TBC1D28: variants seen among roughly 807,000 people sequenced by gnomAD.
The protein encoded by TBC1D28 is TBC1 domain family, member 28.
In TBC1D28, 20 loss-of-function variants were observed where a neutral mutation model predicts 29.2. The observed-to-expected ratio is 0.68, with a 90% CI of 0.48 to 0.99. The LOEUF (loss-of-function observed/expected upper bound fraction) is 0.99, where lower values mean the gene tolerates loss of function less well. TBC1D28 is among the 50% of genes least tolerant of loss of function. The pLI is 0.00. For synonymous variants in TBC1D28, 65 were observed against 90.9 expected (o/e 0.71, Z 1.62); for missense variants, 205 against 243.7 (o/e 0.84, Z 1.06).
chr17:18,638,695 G>A (rs750390255), exon 6 of TBC1D28: 83 of 1,613,900 alleles, frequency 5.1e-5, no homozygotes, highest in Non-Finnish European at 6.2e-5. Flanking sequence ...CTTTCCTTGC[G>A]TCTTTGCTGT....
chr17:18,638,377 C>T (rs758826020), exon 7 of TBC1D28: 1 of 1,614,236 alleles, frequency 6.2e-7, no homozygotes, highest in East Asian at 2.2e-5. Context: ...CAACGCCCGG[C>T]CCCGCACCGC....
downstream of TBC1D28, chr17:18,634,872 A>AGCCCCTCG (rs2031416119): frequency 6.1e-6 from 1 of 164,456 alleles, no homozygotes; most frequent in African/African-American, 2.5e-5. Flanking sequence ...CAGCCGCCTC[A>AGCCCCTCG]GCCCCTCAGC....
rs1253212007 is a variant in TBC1D28 at position 18,636,983 on chromosome 17, A to G, written c.498-386T>C. Among the ~76,000 whole-genome samples the G allele has an allele frequency of 2.3e-4, 20 of 87,448 alleles. 5 individuals carry two copies. Among genetic ancestry groups the G allele is most frequent in the Non-Finnish European group, 2.0e-5 (1 of 48,790 alleles). 57.4% of individuals were successfully genotyped at this position (87,448 alleles called of 152,430 possible). A position where few individuals can be genotyped will look rare whatever the true frequency, so the allele number is the denominator to read the frequency against. On this transcript the variant is annotated intron_variant, in intron 8 of 8. Transcript: ENST00000345096. ...CTCCTTCATCTTCCAAGTCCCTAGC[A>G]TGTCCCCTTTGCAGGCAACGTCTCC...
At chr17:18,642,031 G>A (rs1597484901) in exon 1 of TBC1D28, 1 of 166,308 alleles carries the variant, frequency 6.0e-6, no homozygotes, top group Non-Finnish European at 1.3e-5. Flanking sequence ...GAGAACGCTG[G>A]GGCCTTAGTC....
At chr17:18,638,341 A>G in exon 7 of TBC1D28, 1 of 1,614,160 alleles carries the variant, frequency 6.2e-7, no homozygotes, top group Non-Finnish European at 8.5e-7. Context: ...CTGGGACTTG[A>G]TTTTGTCAAT....
At chr17:18,637,297 G>C (rs1237853653) in intron 8 of TBC1D28, among the ~76,000 whole-genome samples, 1 of 87,700 alleles carries the variant, frequency 1.1e-5, no homozygotes, top group Non-Finnish European at 2.0e-5. Context: ...CAATCAAGCG[G>C]TGAACGTCAC....
rs1221991157 is a variant in TBC1D28, at chr17:18,638,646, C to T, written c.254G>A (p.Trp85Ter). 4.3e-6 allele frequency: 7 copies of T among 1,614,228 alleles called. No individual in the cohort carries two copies. The highest frequency in any genetic ancestry group is 5.9e-6 in the Non-Finnish European group (7 of 1,180,024). ...CTTCTTGGTGCTCCTATATTTTGTC[C>T]AGTCTGCAAGCATCTTTTGCCACTT... The change falls in exon 6 of 9, where the codon TGG (tryptophan) becomes TAG (stop). Residue 85 changes from tryptophan (W) to a stop codon, truncating the protein, a stop_gained. Coordinates refer to ENST00000345096, the Ensembl canonical transcript of TBC1D28. LOFTEE classifies it high-confidence loss of function.
chr17:18,638,399 C>A (rs373934172), exon 7 of TBC1D28: 2 of 1,614,062 alleles, frequency 1.2e-6, no homozygotes, highest in Non-Finnish European at 1.7e-6. Context: ...AGGGGAATGA[C>A]TTTGCATACT....
intron 8 of TBC1D28, 95 bp downstream of exon 9, chr17:18,637,769 C>A: frequency 3.3e-6 from 5 of 1,497,420 alleles, no homozygotes; most frequent in Non-Finnish European, 4.6e-6. Context: ...TCTGTCACCT[C>A]TCCTGGGTGA....
chr17:18,641,795 T>C (rs2031780246), intron 1 of TBC1D28, 33 bp downstream of exon 2: 2 of 196,396 alleles, frequency 1.0e-5, no homozygotes, highest in East Asian at 2.8e-4. Flanking sequence ...AGACATCTGG[T>C]GACTGCTCCG....
At chr17:18,636,445 G>A (rs773909957) in exon 9 of TBC1D28, 3 of 1,612,136 alleles carry the variant, frequency 1.9e-6, no homozygotes, top group Admixed American at 3.4e-5. Flanking sequence ...ACGTCCTGGT[G>A]GACAAACGCT....
Position 18,639,217 on chromosome 17 carries a change from G to C in TBC1D28, c.159-3C>G, listed in dbSNP as rs560978923. 6.2e-7 allele frequency: 1 copy of C among 1,611,644 alleles called. No homozygotes were observed. The highest frequency in any genetic ancestry group is 8.5e-7 in the Non-Finnish European group (1 of 1,179,322). The stretch of plus-strand genomic sequence containing the variant: ...TGACGCGGGGCAGCTCCATCTCACT[G>C]TAAGGCAACCCAGGCAGAGCTGAGG... On this transcript the variant is annotated splice_region_variant and splice_polypyrimidine_tract_variant and intron_variant, in intron 4 of 8. Coordinates refer to ENST00000345096, the Ensembl canonical transcript of TBC1D28.
rs2031512309 is a variant in TBC1D28 at position 18,636,611 on chromosome 17, G to A, written c.498-14C>T. On this transcript the variant is annotated splice_polypyrimidine_tract_variant and intron_variant, in intron 8 of 8. Coordinates refer to ENST00000345096, the Ensembl canonical transcript of TBC1D28. ...AATTCCTGCTGCCTAGAAAAGAGGG[G>A]AAAGAGGGTTTTGTTTTTTTTGTGC... The A allele has an allele frequency of 1.2e-6, 2 of 1,604,280 alleles. No homozygotes were observed. Among genetic ancestry groups the A allele is most frequent in the Non-Finnish European group, 1.7e-6 (2 of 1,174,618 alleles).
At chr17:18,638,697 C>T (rs758392689) in exon 6 of TBC1D28, 1 of 1,614,012 alleles carries the variant, frequency 6.2e-7, no homozygotes, top group South Asian at 1.1e-5. Flanking sequence ...TTCCTTGCGT[C>T]TTTGCTGTCA....
At chr17:18,638,723 A>C (rs1411381765) in intron 5 of TBC1D28, 22 bp from the exon 7 acceptor site, 1 of 1,613,766 alleles carries the variant, frequency 6.2e-7, no homozygotes, top group Non-Finnish European at 8.5e-7. Context: ...GCCATGATGG[A>C]GTTAGCGGAG....
exon 9 of TBC1D28, chr17:18,636,196 C>G (rs1395183530): frequency 8.1e-6 from 10 of 1,237,352 alleles, no homozygotes; most frequent in Admixed American, 3.8e-5. Context: ...GAGGCTCCCC[C>G]AGGATGCAAA....
At chr17:18,634,840 CTCCTCAGCCCCTCAGCCGCCTCAGCCG>C (rs2031408993), downstream of TBC1D28, among the ~76,000 whole-genome samples, 1 of 133,764 alleles carries the variant, frequency 7.5e-6, no homozygotes, top group Non-Finnish European at 1.7e-5. Context: ...GCCCCTCAGC[CTCCTCAGCCCCTCAGCCGCCTCAGCCG>C]CCTCAGCCCC....
At chr17:18,634,801 C>G (rs1383308633), downstream of TBC1D28, among the ~76,000 whole-genome samples, 1 of 151,272 alleles carries the variant, frequency 6.6e-6, no homozygotes, top group Non-Finnish European at 1.5e-5. Flanking sequence ...CCCTCAGCCC[C>G]TCAGCCCCTC....
At chr17:18,636,001 G>A in exon 9 of TBC1D28, 11 of 994,962 alleles carry the variant, frequency 1.1e-5, no homozygotes, top group Non-Finnish European at 1.3e-5. Context: ...AACATAAGGG[G>A]TGGCTGGGTC....
Sources: gnomAD v4.1 joint callset for allele counts (sites outside exome capture counted in the v4.1 genomes callset) on GRCh38, gnomAD v4.1.1 for gene constraint, MANE v1.5 for transcripts, NCBI Gene and HGNC (gene_info 2026-07-23, HGNC 2026-07-21) for gene names.